ASH1L: variants seen among roughly 807,000 people sequenced by gnomAD.
ASH1L encodes the protein ASH1 like histone lysine methyltransferase.
A neutral mutation model predicts 269.0 loss-of-function variants in ASH1L; 23 were observed. The observed-to-expected ratio is 0.09, with a 90% CI of 0.06 to 0.12. ASH1L has a LOEUF of 0.12. Among genes scored for constraint, ASH1L ranks in the 10% least tolerant of loss-of-function variants. The probability of loss-of-function intolerance (pLI) is 1.00; values close to 1 mark genes in which losing one functional copy is unlikely to be tolerated. For missense variants in ASH1L, 2,912 were observed against 3,567.8 expected (o/e 0.82, Z 4.68); for synonymous variants, 1,187 against 1,253.5 (o/e 0.95, Z 1.12).
At chr1:155,355,196 G>A (rs1381689427) in intron 15 of ASH1L, among the ~76,000 whole-genome samples, 5 of 152,190 alleles carry the variant, frequency 3.3e-5, no homozygotes, top group African/African-American at 1.2e-4. Context: ...GGTTATAGGT[G>A]CCTGCCACCA....
At chr1:155,549,177 T>C (rs765505430) in intron 1 of ASH1L, among the ~76,000 whole-genome samples, 1 of 152,104 alleles carries the variant, frequency 6.6e-6, no homozygotes, top group Non-Finnish European at 1.5e-5. Flanking sequence ...ACTCTCTCTC[T>C]ACAAAAACCA....
At chr1:155,425,026 T>C (rs998475603) in intron 5 of ASH1L, among the ~76,000 whole-genome samples, 29 of 149,396 alleles carry the variant, frequency 1.9e-4, no homozygotes, top group Admixed American at 4.7e-4. Flanking sequence ...CTGGAGTGCA[T>C]TGGAGCAACA....
In ASH1L at chr1:155,480,471, G is replaced by C. The variant is rs1051143444; in HGVS notation, c.2399C>G (p.Ser800Cys). ...TTTGTGAGTAGCAAAAGACTTATGA[G>C]ATGGTTTTTCACTATCAGCTAAGAG... ...LALLADSEKP[S>C]HKSFATHKLS... The change falls in exon 3 of 28, where the codon TCT becomes TGT. Residue 800 changes from serine to cysteine, a missense_variant. By Grantham distance (112) the Ser-to-Cys change is moderately radical (BLOSUM62 -1). Around this residue, in one of 13 missense-constraint regions of ASH1L, gnomAD observed 715 missense variants for 721.0 expected, o/e 0.99. Transcript: ENST00000392403. 6.2e-7 allele frequency: 1 copy of C among 1,613,922 alleles called. No homozygotes were observed.
intron 4 of ASH1L, among the ~76,000 whole-genome samples, chr1:155,445,260 T>C (rs1317799018): frequency 6.6e-6 from 1 of 152,152 alleles, no homozygotes; most frequent in Non-Finnish European, 1.5e-5. Context: ...CACTGCTCAC[T>C]GCAACCTCCA....
chr1:155,434,302 A>G, intron 5 of ASH1L: 1 of 1,570,504 alleles, frequency 6.4e-7, no homozygotes, highest in Non-Finnish European at 8.6e-7. Context: ...GGGGGAGGGG[A>G]GGAGCTAGGG....
intron 4 of ASH1L, among the ~76,000 whole-genome samples, chr1:155,448,363 G>C (rs1294808429): frequency 6.6e-6 from 1 of 152,112 alleles, no homozygotes; most frequent in Non-Finnish European, 1.5e-5. Context: ...TGTTGTTGTT[G>C]TTGTTGTATT....
In ASH1L at chr1:155,343,260, C is replaced by G; in HGVS notation, c.8293+54G>C. 6.4e-7 allele frequency: 1 copy of G among 1,562,984 alleles called. No individual in the cohort carries two copies. The highest frequency in any genetic ancestry group is 8.7e-7 in the Non-Finnish European group (1 of 1,150,310). ...CCTCCCACACCGCTGGGATTATCAG[C>G]GTGAGCCACTGCACTTGGCCGAGGT... On this transcript the variant is annotated intron_variant, in intron 24 of 27. Transcript: ENST00000392403. The surrounding 1 kb of genome is among the most constrained non-coding windows in gnomAD (Gnocchi z 6.1).
intron 1 of ASH1L, among the ~76,000 whole-genome samples, chr1:155,525,357 G>A (rs1449940113): frequency 6.6e-6 from 1 of 151,984 alleles, no homozygotes; most frequent in East Asian, 1.9e-4. Flanking sequence ...TGAAATCCAA[G>A]TTTTTTCAAA....
intron 5 of ASH1L, chr1:155,419,263 A>T (rs1278006228): frequency 6.6e-6 from 1 of 151,956 alleles, no homozygotes; most frequent in African/African-American, 2.4e-5. Context: ...AAAAAAGTTT[A>T]GATCTCATAT....
rs1169400082 is a variant in ASH1L at position 155,562,796 on chromosome 1, C to T, written c.-743G>A. The T allele has an allele frequency of 7.5e-6, 5 of 670,912 alleles. No homozygotes were observed. The allele number at this position is 670,912 out of a possible 1,614,324, so 41.6% of individuals were successfully genotyped here. A position where few individuals can be genotyped will look rare whatever the true frequency, so the allele number is the denominator to read the frequency against. The stretch of plus-strand genomic sequence containing the variant: ...ACGCGTACCTTCAACGGCGCAAGCC[C>T]AAGCCTCCTCCTCCTCCTCCTCCAC... On this transcript the variant is annotated 5_prime_UTR_variant, in exon 1 of 28. Transcript: ENST00000392403.
At chr1:155,347,280 G>T (rs1570955793) in intron 20 of ASH1L, among the ~76,000 whole-genome samples, 1 of 152,132 alleles carries the variant, frequency 6.6e-6, no homozygotes, top group Admixed American at 6.5e-5. Context: ...CGTGGCACAT[G>T]CCTATAATCC....
At chr1:155,517,258 G>A (rs965887212) in intron 2 of ASH1L, among the ~76,000 whole-genome samples, 13 of 152,194 alleles carry the variant, frequency 8.5e-5, no homozygotes, top group African/African-American at 2.4e-4. Context: ...ACCAAGGCAG[G>A]AGGATCACTT....
chr1:155,368,756 G>C (rs1416629792), intron 12 of ASH1L, among the ~76,000 whole-genome samples: 2 of 152,122 alleles, frequency 1.3e-5, no homozygotes, highest in African/African-American at 2.4e-5. Flanking sequence ...TGCCCGGCTG[G>C]AATGTTTTTC....
At chr1:155,395,656 C>A in intron 6 of ASH1L, 103 bp from the exon 7 acceptor site, 1 of 643,214 alleles carries the variant, frequency 1.6e-6, no homozygotes, top group Non-Finnish European at 2.4e-6. Context: ...GTACCAAGTA[C>A]ATTGATAAAT....
At position 155,343,166 on chromosome 1, in the gene ASH1L, AGGCAGAGTTTTGCCACGTT is replaced by A. The variant is rs1488491456; in HGVS notation, c.8293+129_8293+147del. 2.7e-6 allele frequency: 2 copies of A among 753,222 alleles called. No homozygotes were observed. The highest frequency in any genetic ancestry group is 3.5e-5 in the African/African-American group (2 of 57,000). The allele number at this position is 753,222 out of a possible 1,614,324, so 46.7% of individuals were successfully genotyped here. A position where few individuals can be genotyped will look rare whatever the true frequency, so the allele number is the denominator to read the frequency against. On this transcript the variant is annotated intron_variant, in intron 24 of 27. Coordinates refer to ENST00000392403, the MANE Select transcript of ASH1L (RefSeq NM_018489.3). The surrounding 1 kb of genome is among the most constrained non-coding windows in gnomAD (Gnocchi z 6.1). ...CCTACACTGCCATGCCCAGCTACAGAGGCAGAGTTTTGCCACGTTGGCCAGGCTGGTCTCACACTCCTGG... is the reference window on the plus strand; with the variant it reads ...CCTACACTGCCATGCCCAGCTACAGAGGCCAGGCTGGTCTCACACTCCTGG...
chr1:155,371,456 G>A (rs1223152913), intron 10 of ASH1L, among the ~76,000 whole-genome samples: 1 of 152,164 alleles, frequency 6.6e-6, no homozygotes, highest in African/African-American at 2.4e-5. Flanking sequence ...GCTGAGGCAG[G>A]AGAGTCCCTT....
chr1:155,480,817 C>A lies in ASH1L; in HGVS notation c.2053G>T (p.Gly685Cys), dbSNP rs1158758386. The A allele has an allele frequency of 6.2e-7, 1 of 1,613,440 alleles. No individual in the cohort carries two copies. Among genetic ancestry groups the A allele is most frequent in the African/African-American group, 1.3e-5 (1 of 74,750 alleles). The change falls in exon 3 of 28, where the codon GGT becomes TGT. Residue 685 changes from glycine to cysteine, a missense_variant. Physicochemically the swap from Gly to Cys is radical, Grantham distance 159 (BLOSUM62 -3). Transcript: ENST00000392403. ...LFSNKPFLKL[G>C]AVSASDKHCQ... ...TGTTTGTCTGATGCAGATACTGCAC[C>A]CAGTTTTAAAAAAGGCTTATTACTA... is the stretch of plus-strand genomic sequence containing the variant.
At chr1:155,524,535 A>G (rs1441874471) in intron 1 of ASH1L, among the ~76,000 whole-genome samples, 4 of 151,332 alleles carry the variant, frequency 2.6e-5, no homozygotes, top group African/African-American at 4.9e-5. Context: ...AAAAAAAAAA[A>G]AAAAAGTACA....
In ASH1L at chr1:155,382,954, C is replaced by T. The variant is rs147321061; in HGVS notation, c.6104-2838G>A. Among the ~76,000 whole-genome samples, 916 of 152,314 alleles carry T rather than the reference C, an allele frequency of 6.0e-3. 8 individuals are homozygous for T. The highest frequency in any genetic ancestry group is 0.021 in the African/African-American group (863 of 41,574). On this transcript the variant is annotated intron_variant, in intron 7 of 27. Transcript: ENST00000392403. Reference sequence around the variant, plus strand: ...CCCAGGCTGGTCTCAAACTCCTGGGCTCAAGCGATCTGCCTGCCCTGGCCT... The same window carrying T: ...CCCAGGCTGGTCTCAAACTCCTGGGTTCAAGCGATCTGCCTGCCCTGGCCT...
Sources: allele counts gnomAD v4.1 joint callset (sites outside exome capture counted in the v4.1 genomes callset), GRCh38; gene constraint gnomAD v4.1.1; regional missense constraint gnomAD v4.1.1; non-coding constraint Gnocchi (gnomAD v3.1); transcripts MANE v1.5; gene names NCBI Gene and HGNC (gene_info 2026-07-23, HGNC 2026-07-21).